Variants in HOOK3 observed in about 807,000 individuals in gnomAD.
HOOK3 encodes the protein protein Hook homolog 3.
Under a neutral mutation model 116.3 loss-of-function variants are expected in HOOK3, and 24 were observed. The observed-to-expected ratio is 0.21, with a 90% CI of 0.15 to 0.29. The LOEUF (loss-of-function observed/expected upper bound fraction) is 0.29. Ranked by LOEUF, HOOK3 falls within the 10% of genes least tolerant of loss-of-function variation. The pLI, the probability that HOOK3 is intolerant of heterozygous loss-of-function variation, is 1.00. For missense variants in HOOK3, 632 were observed against 830.2 expected, an observed-to-expected ratio of 0.76 and a Z score of 2.93; for synonymous variants, 275 against 283.0, an observed-to-expected ratio of 0.97 and a Z score of 0.28.
intron 4 of HOOK3, among the ~76,000 whole-genome samples, chr8:42,932,655 G>A (rs1046582323): frequency 6.6e-5 from 10 of 152,092 alleles, no homozygotes; most frequent in African/African-American, 2.2e-4. Flanking sequence ...TAGCCTGAGC[G>A]TGCCTGAGAG....
At chr8:42,979,787 A>G (rs568030337) in intron 13 of HOOK3, among the ~76,000 whole-genome samples, 1 of 152,096 alleles carries the variant, frequency 6.6e-6, no homozygotes, top group Admixed American at 6.5e-5. Flanking sequence ...GAAATATCCT[A>G]ATTTTTTTTC....
intron 21 of HOOK3, among the ~76,000 whole-genome samples, 161 bp from the exon 22 acceptor site, chr8:43,018,197 C>T (rs1033051231): frequency 2.0e-5 from 3 of 152,212 alleles, no homozygotes; most frequent in Non-Finnish European, 4.4e-5. Flanking sequence ...ATTATGGGAA[C>T]TAAAATGCCT....
intron 1 of HOOK3, among the ~76,000 whole-genome samples, chr8:42,899,520 G>C (rs1458924894): frequency 6.6e-6 from 1 of 152,170 alleles, no homozygotes; most frequent in Admixed American, 6.5e-5. Context: ...CAGAATAAAT[G>C]TTTCAATGAG....
chr8:42,972,376 G>A (rs537571095), intron 11 of HOOK3, among the ~76,000 whole-genome samples: 28 of 152,014 alleles, frequency 1.8e-4, no homozygotes, highest in Non-Finnish European at 3.8e-4. Flanking sequence ...TTATTAACAG[G>A]CTGTCATTAC....
intron 2 of HOOK3, among the ~76,000 whole-genome samples, chr8:42,910,822 AC>A (rs1384820199): frequency 6.6e-6 from 1 of 152,224 alleles, no homozygotes; most frequent in Non-Finnish European, 1.5e-5. Context: ...AGTGGGGAAA[AC>A]ATTTTAATTA....
At chr8:42,927,620 T>A (rs1807793998) in intron 3 of HOOK3, among the ~76,000 whole-genome samples, 1 of 152,120 alleles carries the variant, frequency 6.6e-6, no homozygotes, top group Non-Finnish European at 1.5e-5. Flanking sequence ...TATTTACTTT[T>A]TTTTGAGACA....
chr8:42,929,055 A>G (rs1807823446), intron 3 of HOOK3, among the ~76,000 whole-genome samples: 1 of 152,206 alleles, frequency 6.6e-6, no homozygotes. Context: ...CAAAAAAATA[A>G]ATACATAAAT....
chr8:42,927,374 G>T (rs113657909), intron 3 of HOOK3, among the ~76,000 whole-genome samples: 1 of 149,166 alleles, frequency 6.7e-6, no homozygotes, highest in African/African-American at 2.5e-5. Context: ...CTCCTGCCTC[G>T]GTCTCCCGAG....
chr8:43,028,519 C>T lies in HOOK3; in HGVS notation c.*10021C>T, dbSNP rs1267455700. On this transcript the variant is annotated 3_prime_UTR_variant, in exon 22 of 22. Transcript: ENST00000307602. The stretch of plus-strand genomic sequence containing the variant: ...CCAACAGTTTTTTTTGTTTCTGTCC[C>T]TTAAACATTTCCCCTGAAAGTCCAC... The T allele has an allele frequency of 5.3e-6, 1 of 189,162 alleles. No homozygotes were observed. The highest frequency in any genetic ancestry group is 1.1e-5 in the Non-Finnish European group (1 of 90,214). 11.7% of individuals were successfully genotyped at this position (189,162 alleles called of 1,614,324 possible). A position where few individuals can be genotyped will look rare whatever the true frequency, so the allele number is the denominator to read the frequency against.
At chr8:43,014,454 C>T (rs1309130525) in intron 21 of HOOK3, among the ~76,000 whole-genome samples, 2 of 151,796 alleles carry the variant, frequency 1.3e-5, no homozygotes, top group Non-Finnish European at 2.9e-5. Flanking sequence ...CAGGTTCAAG[C>T]GATTCTTCTG....
At chr8:42,905,566 G>A (rs1214970412) in intron 1 of HOOK3, among the ~76,000 whole-genome samples, 3 of 152,064 alleles carry the variant, frequency 2.0e-5, no homozygotes, top group Admixed American at 2.0e-4. Flanking sequence ...GTCACTGGTA[G>A]AGGGGATGAA....
chr8:42,973,335 A>T lies in HOOK3; in HGVS notation c.1169A>T (p.Asp390Val), dbSNP rs774202204. The change falls in exon 12 of 22, where the codon GAT (aspartate) becomes GTT (valine). Residue 390 changes from aspartate to valine, a missense_variant. Asp to Val is a radical substitution (Grantham distance 152). Around this residue, in one of 3 missense-constraint regions of HOOK3, gnomAD observed 483 missense variants for 648.1 expected, o/e 0.75. Transcript: ENST00000307602. ...NRLSEESKKA[D>V]KLDFEYKRLK... ...TTATCCGAAGAATCAAAGAAAGCAG[A>T]TAAACTAGATTTTGAATATAAGCGG... 6 of 1,613,022 alleles carry T rather than the reference A, an allele frequency of 3.7e-6. No homozygotes were observed. The highest frequency in any genetic ancestry group is 3.3e-5 in the Admixed American group (2 of 59,740).
intron 16 of HOOK3, among the ~76,000 whole-genome samples, chr8:43,000,017 G>A (rs1323466842): frequency 3.9e-5 from 6 of 152,018 alleles, no homozygotes; most frequent in Admixed American, 3.9e-4. Flanking sequence ...GCATGGTGGC[G>A]GGTACCTGTA....
intron 5 of HOOK3, among the ~76,000 whole-genome samples, chr8:42,947,544 G>A (rs1197530063): frequency 6.6e-6 from 1 of 152,138 alleles, no homozygotes; most frequent in African/African-American, 2.4e-5. Flanking sequence ...CCTAGATTGA[G>A]TTTCCCCCCA....
At position 42,938,698 on chromosome 8, in the gene HOOK3, TTTTATTTATTTATTTA is replaced by T. The variant is rs57325956; in HGVS notation, c.268-4595_268-4580del. On this transcript the variant is annotated intron_variant, in intron 4 of 21. Coordinates refer to ENST00000307602, the MANE Select transcript of HOOK3 (RefSeq NM_032410.4). ...AAATTCTGGGTTGAAAATGCTTTTCTTTTATTTATTTATTTATTTATTTATTTATTTATTTTTATTG... is the reference window on the plus strand; with the variant it reads ...AAATTCTGGGTTGAAAATGCTTTTCTTTTATTTATTTATTTATTTTTATTG... 8.0e-5 allele frequency among the ~76,000 whole-genome samples: 12 copies of T among 149,818 alleles called. No homozygotes were observed. The East Asian group carries it at 1.7e-3, about 22-fold the overall frequency.
intron 10 of HOOK3, among the ~76,000 whole-genome samples, chr8:42,966,985 C>T (rs1808643342): frequency 6.6e-6 from 1 of 152,000 alleles, no homozygotes; most frequent in African/African-American, 2.4e-5. Flanking sequence ...TGTTATTACC[C>T]CTTCAGTTCT....
At position 43,024,084 on chromosome 8, in the gene HOOK3, C is replaced by G. The variant is rs975903961; in HGVS notation, c.*5586C>G. 10 of 207,048 alleles carry G rather than the reference C, an allele frequency of 4.8e-5. No individual in the cohort carries two copies. The East Asian group carries it at 5.9e-4, about 12-fold the overall frequency. 12.8% of individuals were successfully genotyped at this position (207,048 alleles called of 1,614,324 possible). A position where few individuals can be genotyped will look rare whatever the true frequency, so the allele number is the denominator to read the frequency against. Reference sequence around the variant, plus strand: ...TCCACAACCCACAGCTAGTGGAAACCGAGCTAGTTTACAGCCACGTGGATA... The same window carrying G: ...TCCACAACCCACAGCTAGTGGAAACGGAGCTAGTTTACAGCCACGTGGATA... On this transcript the variant is annotated 3_prime_UTR_variant, in exon 22 of 22. Transcript: ENST00000307602.
rs1430011376 is a variant in HOOK3, at chr8:43,010,309, A to T, written c.1743A>T (p.Leu581Phe). ...TTTACTGTGTCTCATCTGCAGCCTT[A>T]AAAATTGAAGAATTACAAGAAGCTT... The part of the protein sequence containing the change: ...DLEPRFNNSS[L>F]KIEELQEALR... Residue 581 changes from leucine to phenylalanine, a missense_variant, in exon 19 of 22, where the codon TTA becomes TTT. Physicochemically the swap from Leu to Phe is conservative, Grantham distance 22. Transcript: ENST00000307602. 3 of 1,342,948 alleles carry T rather than the reference A, an allele frequency of 2.2e-6. No homozygotes were observed. The highest frequency in any genetic ancestry group is 3.0e-6 in the Non-Finnish European group (3 of 1,013,024). 83.2% of individuals were successfully genotyped at this position (1,342,948 alleles called of 1,614,324 possible).
intron 4 of HOOK3, among the ~76,000 whole-genome samples, chr8:42,932,264 C>T (rs747410805): frequency 1.3e-5 from 2 of 152,048 alleles, no homozygotes; most frequent in South Asian, 2.1e-4. Flanking sequence ...TTTTTTCCTT[C>T]GACCAGAAGT....
Sources: allele counts gnomAD v4.1 joint callset (sites outside exome capture counted in the v4.1 genomes callset), GRCh38; gene constraint gnomAD v4.1.1; regional missense constraint gnomAD v4.1.1; transcripts MANE v1.5; gene names NCBI Gene and HGNC (gene_info 2026-07-23, HGNC 2026-07-21).